The following RORB variants were observed in gnomAD, a reference collection of about 807,000 sequenced individuals.
RORB encodes the protein nuclear receptor ROR-beta.
In RORB, 6 loss-of-function variants were observed where a neutral mutation model predicts 59.1. The observed-to-expected ratio is 0.10, with a 90% confidence interval of 0.06 to 0.20. The LOEUF (loss-of-function observed/expected upper bound fraction) is 0.20, where lower values mean the gene tolerates loss of function less well. RORB is among the 10% of genes least tolerant of loss of function. RORB has a pLI of 1.00. For missense variants in RORB, 320 were observed against 560.5 expected, an observed-to-expected ratio of 0.57 and a Z score of 4.33; for synonymous variants, 215 against 204.5, an observed-to-expected ratio of 1.05 and a Z score of -0.44.
chr9:74,629,593 T>A (rs1434227529), intron 1 of RORB, among the ~76,000 whole-genome samples: 2 of 152,178 alleles, frequency 1.3e-5, no homozygotes, highest in Non-Finnish European at 2.9e-5. Flanking sequence ...TCATCTCCAA[T>A]GAAACTATTT....
intron 1 of RORB, among the ~76,000 whole-genome samples, chr9:74,523,614 A>T (rs1452155153): frequency 6.6e-6 from 1 of 151,974 alleles, no homozygotes; most frequent in East Asian, 1.9e-4. Context: ...CAGAGCTTTC[A>T]AAATAAACTC....
intron 1 of RORB, among the ~76,000 whole-genome samples, chr9:74,608,273 G>T (rs1307779821): frequency 1.3e-5 from 2 of 152,024 alleles, no homozygotes; most frequent in Non-Finnish European, 2.9e-5. Flanking sequence ...TAAGAAAATT[G>T]CTAGTTTCTG....
At chr9:74,573,866 A>T (rs1008859870) in intron 1 of RORB, among the ~76,000 whole-genome samples, 8 of 152,148 alleles carry the variant, frequency 5.3e-5, no homozygotes, top group Non-Finnish European at 5.9e-5. Context: ...CATCGAAAGA[A>T]ACAGCAACTG....
Position 74,513,126 on chromosome 9 carries a change from A to G in RORB, c.7+15143A>G, listed in dbSNP as rs1183288822. On this transcript the variant is annotated intron_variant, in intron 1 of 9. Transcript: ENST00000376896. ...GGCATATATCTCAGAATGAGTTTAA[A>G]GAAGTGAGTTCAATTGCTATGGCAA... Among the ~76,000 whole-genome samples, 13 of 152,314 alleles carry G rather than the reference A, an allele frequency of 8.5e-5. No individual in the cohort carries two copies. The South Asian group carries it at 1.2e-3, about 15-fold the overall frequency.
At chr9:74,672,406 C>A (rs1372381782) in intron 9 of RORB, among the ~76,000 whole-genome samples, 3 of 152,164 alleles carry the variant, frequency 2.0e-5, no homozygotes, top group Admixed American at 2.0e-4. Flanking sequence ...CTAGTCACTT[C>A]TCAGGTATGT....
At chr9:74,570,613 T>C (rs1822537015) in intron 1 of RORB, among the ~76,000 whole-genome samples, 1 of 152,052 alleles carries the variant, frequency 6.6e-6, no homozygotes, top group Non-Finnish European at 1.5e-5. Flanking sequence ...GCTGGTACAA[T>C]TTTAGGGGAG....
chr9:74,676,089 G>A (rs1002265387), intron 9 of RORB, among the ~76,000 whole-genome samples: 5 of 152,294 alleles, frequency 3.3e-5, no homozygotes, highest in South Asian at 2.1e-4. Context: ...CAAGACCAAA[G>A]CTTGGATCTG....
At chr9:74,500,638 G>T (rs1825793248) in intron 1 of RORB, among the ~76,000 whole-genome samples, 3 of 152,266 alleles carry the variant, frequency 2.0e-5, no homozygotes, top group African/African-American at 7.2e-5. Context: ...GGCGCTTTGA[G>T]CGACGGAAAG....
intron 3 of RORB, among the ~76,000 whole-genome samples, chr9:74,641,716 T>C (rs1215975026): frequency 1.3e-5 from 2 of 150,212 alleles, no homozygotes; most frequent in South Asian, 2.1e-4. Flanking sequence ...GCCTGGGCAA[T>C]ATAGCAAGGC....
intron 1 of RORB, among the ~76,000 whole-genome samples, chr9:74,558,497 A>T (rs999488561): frequency 6.6e-6 from 1 of 152,216 alleles, no homozygotes; most frequent in African/African-American, 2.4e-5. Context: ...TGAATGGAAG[A>T]TTCACTTGTT....
At chr9:74,671,738 A>C (rs1295854028) in intron 8 of RORB, 51 bp from the exon 9 acceptor site, 4 of 1,169,844 alleles carry the variant, frequency 3.4e-6, no homozygotes, top group Non-Finnish European at 5.0e-6. Flanking sequence ...ATGTGGGTGA[A>C]GCAAAACAAA....
chr9:74,627,979 T>G (rs1823548163), intron 1 of RORB, among the ~76,000 whole-genome samples: 1 of 152,172 alleles, frequency 6.6e-6, no homozygotes, highest in African/African-American at 2.4e-5. Context: ...TAACATTTCC[T>G]AGCTCTTCAG....
intron 4 of RORB, among the ~76,000 whole-genome samples, chr9:74,649,221 T>C (rs1178078515): frequency 6.6e-6 from 1 of 152,014 alleles, no homozygotes; most frequent in African/African-American, 2.4e-5. Flanking sequence ...AAAGTGCTGA[T>C]ATTACAGGCA....
At position 74,667,240 on chromosome 9, in the gene RORB, C is replaced by G. The variant is rs532651361; in HGVS notation, c.1001-551C>G. Among the ~76,000 whole-genome samples, 4 of 152,332 alleles carry G rather than the reference C, an allele frequency of 2.6e-5. No homozygotes were observed. The East Asian group carries it at 7.7e-4, about 29-fold the overall frequency. The stretch of plus-strand genomic sequence containing the variant: ...ATTAGAAGGTAATAATAAATAAACT[C>G]TAGCTCCTCAGTGAAATTTCCAAGG... On this transcript the variant is annotated intron_variant, in intron 7 of 9. Transcript: ENST00000376896.
intron 9 of RORB, among the ~76,000 whole-genome samples, chr9:74,682,729 C>G (rs1824567265): frequency 1.3e-5 from 2 of 152,176 alleles, no homozygotes; most frequent in Admixed American, 6.5e-5. Context: ...GTTCAGAGGA[C>G]TGTTTCAAAT....
intron 1 of RORB, among the ~76,000 whole-genome samples, chr9:74,582,869 C>T (rs906447806): frequency 2.0e-5 from 3 of 152,008 alleles, no homozygotes; most frequent in African/African-American, 7.3e-5. Flanking sequence ...GTGTATCTTG[C>T]AAAATAAAAA....
intron 9 of RORB, among the ~76,000 whole-genome samples, chr9:74,679,424 T>C (rs1392604116): frequency 6.6e-6 from 1 of 152,138 alleles, no homozygotes; most frequent in Non-Finnish European, 1.5e-5. Flanking sequence ...TCAGGCTTCC[T>C]CCCAACAGTA....
intron 1 of RORB, among the ~76,000 whole-genome samples, chr9:74,608,123 A>T (rs1823177479): frequency 6.6e-6 from 1 of 152,214 alleles, no homozygotes; most frequent in Non-Finnish European, 1.5e-5. Flanking sequence ...CTCAACAAAG[A>T]GGTATTTGAT....
intron 1 of RORB, among the ~76,000 whole-genome samples, chr9:74,622,353 T>A (rs995922131): frequency 2.0e-5 from 3 of 152,152 alleles, no homozygotes; most frequent in African/African-American, 7.2e-5. Flanking sequence ...AGAGTACATG[T>A]CTTCATATAG....
Sources: allele counts gnomAD v4.1 joint callset (sites outside exome capture counted in the v4.1 genomes callset), GRCh38; gene constraint gnomAD v4.1.1; transcripts MANE v1.5; gene names NCBI Gene and HGNC (gene_info 2026-07-23, HGNC 2026-07-21).